CENPI: variants seen among roughly 807,000 people sequenced by gnomAD.
The protein encoded by CENPI is centromere protein I, also known as FSH primary response 1.
Under a neutral mutation model 60.4 loss-of-function variants are expected in CENPI, and 4 were observed. The ratio of observed to expected loss-of-function variants is 0.07; its 90% CI spans 0.03 to 0.15. CENPI has a LOEUF of 0.15. Among genes scored for constraint, CENPI ranks in the 10% least tolerant of loss-of-function variants. The probability of loss-of-function intolerance (pLI) is 1.00; values close to 1 mark genes in which losing one functional copy is unlikely to be tolerated. For synonymous variants in CENPI, 157 were observed against 189.4 expected, an observed-to-expected ratio of 0.83 and a Z score of 1.40; for missense variants, 444 against 534.5, an observed-to-expected ratio of 0.83 and a Z score of 1.67.
intron 6 of CENPI, 122 bp downstream of exon 6, chrX:101,110,120 CAT>C: frequency 2.6e-6 from 1 of 381,673 alleles, no homozygotes; most frequent in Admixed American, 5.2e-5. Flanking sequence ...ATATATCAAA[CAT>C]ATAGAAATGT....
chrX:101,161,022 A>G (rs1694850477), intron 20 of CENPI, among the ~76,000 whole-genome samples: 1 of 112,365 alleles, frequency 8.9e-6, no homozygotes, highest in Admixed American at 9.5e-5. Flanking sequence ...TTTTAGAAGT[A>G]CTTTCACCAG....
rs769648768 is a variant in CENPI at position 101,110,232 on chromosome X, G to C, written c.591+234G>C. Among the ~76,000 whole-genome samples, 8 of 111,901 alleles carry C rather than the reference G, an allele frequency of 7.1e-5. 1 individual carries two copies. The highest frequency in any genetic ancestry group is 9.6e-5 in the Admixed American group (1 of 10,465). On this transcript the variant is annotated intron_variant, in intron 6 of 21. Transcript: ENST00000682095. Reference sequence around the variant, plus strand: ...GATTAACAAATAGAAAATTTTTATCGTATTTACTTTATGTCTTCTTTTAAG... The same window carrying C: ...GATTAACAAATAGAAAATTTTTATCCTATTTACTTTATGTCTTCTTTTAAG...
intron 12 of CENPI, 73 bp from the exon 13 acceptor site, chrX:101,129,909 A>G (rs2089777554): frequency 1.4e-6 from 1 of 689,941 alleles, no homozygotes; most frequent in Non-Finnish European, 2.3e-6. Context: ...TTGTCACTTT[A>G]GTGATAATTA....
intron 6 of CENPI, among the ~76,000 whole-genome samples, chrX:101,114,052 T>C (rs754259726): frequency 1.8e-4 from 20 of 111,064 alleles, no homozygotes; most frequent in Non-Finnish European, 3.6e-4. Context: ...AGGTCAGGAG[T>C]TTGAGAACAG....
chrX:101,127,044 C>T (rs1300057890), intron 9 of CENPI, 94 bp from the exon 10 acceptor site: 1 of 775,384 alleles, frequency 1.3e-6, no homozygotes, highest in Non-Finnish European at 1.8e-6. Flanking sequence ...TAAAGGATTT[C>T]ATAATATATT....
chrX:101,116,943 G>C (rs1009447583), intron 6 of CENPI, among the ~76,000 whole-genome samples: 1 of 111,167 alleles, frequency 9.0e-6, no homozygotes, highest in Non-Finnish European at 1.9e-5. Flanking sequence ...TAATGATATT[G>C]AGCAACTTTT....
intron 15 of CENPI, among the ~76,000 whole-genome samples, chrX:101,133,317 A>ATTTTTTTTTTTTTTTTTTTTTTTTTT (rs750307029): frequency 1.3e-5 from 1 of 77,017 alleles, no homozygotes; most frequent in Non-Finnish European, 2.5e-5. Context: ...TTCAGTTTGA[A>ATTTTTTTTTTTTTTTTTTTTTTTTTT]TTTTTTTTTT....
chrX:101,177,548 C>T, the CENPI span, among the ~76,000 whole-genome samples: 1 of 111,738 alleles, frequency 8.9e-6, no homozygotes, highest in Non-Finnish European at 1.9e-5. Flanking sequence ...AGAGGCAGGG[C>T]GCTCCTCAAG....
chrX:101,181,220 A>C, the CENPI span, among the ~76,000 whole-genome samples: 1 of 111,103 alleles, frequency 9.0e-6, no homozygotes, highest in Non-Finnish European at 1.9e-5. Flanking sequence ...CTTTGTGATA[A>C]ATTTTGAAAT....
intron 15 of CENPI, among the ~76,000 whole-genome samples, chrX:101,137,134 A>G (rs1217521791): frequency 8.9e-6 from 1 of 111,748 alleles, no homozygotes; most frequent in African/African-American, 3.3e-5. Context: ...GCTGGTCTCG[A>G]ACTTCTGGCT....
At chrX:101,145,303 C>T in intron 17 of CENPI, 104 bp downstream of exon 17, 1 of 627,104 alleles carries the variant, frequency 1.6e-6, no homozygotes, top group Non-Finnish European at 2.5e-6. Context: ...GGGCTATGAT[C>T]TTATTAGCAT....
rs747196426 is a variant in CENPI, at chrX:101,132,423, G to A, written c.1437G>A (p.Ala479=). 2.2e-5 allele frequency: 26 copies of A among 1,207,868 alleles called. No individual in the cohort carries two copies. The highest frequency in any genetic ancestry group is 1.1e-4 in the African/African-American group (6 of 57,102). The part of the protein sequence containing the change: ...EVKPLLFDHL[A]QLFFTSTIYF... ...AACCACTTCTTTTTGACCATCTAGC[G>A]CAGCTCTTCTTTACATCAACCATTT... Residue 479 remains alanine (A), a synonymous_variant, in exon 15 of 22, where the codon GCG becomes GCA. Coordinates refer to ENST00000682095, the MANE Select transcript of CENPI (RefSeq NM_001386188.2).
In CENPI at chrX:101,125,166, T is replaced by G. The variant is rs764856795; in HGVS notation, c.688-1543T>G. Among the ~76,000 whole-genome samples the G allele has an allele frequency of 4.5e-5, 5 of 111,602 alleles. No homozygotes were observed. The East Asian group carries it at 1.1e-3, about 25-fold the overall frequency. On this transcript the variant is annotated intron_variant, in intron 8 of 21. Coordinates refer to ENST00000682095, the MANE Select transcript of CENPI (RefSeq NM_001386188.2). Reference sequence around the variant, plus strand: ...CTTTTGCATCCCCACTTTTTAGAGATATGTGGTCCCTCAACTCTTGATCCT... The same window carrying G: ...CTTTTGCATCCCCACTTTTTAGAGAGATGTGGTCCCTCAACTCTTGATCCT...
Position 101,164,654 on chromosome X carries a change from TTTACA to T in CENPI, c.*1690_*1694del, listed in dbSNP as rs1242029800. On this transcript the variant is annotated 3_prime_UTR_variant, in exon 22 of 22. Transcript: ENST00000682095. ...GCCCAAAGTACCTGTTTTTATGGAGTTTACATTCCAATGGAGAAGACAGACAATAA... is the reference window on the plus strand; with the variant it reads ...GCCCAAAGTACCTGTTTTTATGGAGTTTCCAATGGAGAAGACAGACAATAA... Among the ~76,000 whole-genome samples, 3 of 111,877 alleles carry T rather than the reference TTTACA, an allele frequency of 2.7e-5. No homozygotes were observed. Among genetic ancestry groups the T allele is most frequent in the Non-Finnish European group, 5.6e-5 (3 of 53,189 alleles).
At chrX:101,113,233 A>G (rs1407277351) in intron 6 of CENPI, among the ~76,000 whole-genome samples, 2 of 106,492 alleles carry the variant, frequency 1.9e-5, no homozygotes, top group Admixed American at 2.1e-4. Context: ...CCTGGCTTAT[A>G]TGCTGTTGTT....
intron 15 of CENPI, 29 bp downstream of exon 15, chrX:101,132,485 A>G: frequency 9.1e-7 from 1 of 1,103,622 alleles, no homozygotes; most frequent in Non-Finnish European, 1.2e-6. Flanking sequence ...GCTTAGATTC[A>G]ATAGGATGTA....
chrX:101,110,951 T>C lies in CENPI; in HGVS notation c.591+953T>C, dbSNP rs978436249. On this transcript the variant is annotated intron_variant, in intron 6 of 21. Coordinates refer to ENST00000682095, the MANE Select transcript of CENPI (RefSeq NM_001386188.2). ...TGACAGAAAGTGATACTTGATATGATGGGAATATTTCAAGCAAAGTTGTGA... is the reference window on the plus strand; with the variant it reads ...TGACAGAAAGTGATACTTGATATGACGGGAATATTTCAAGCAAAGTTGTGA... 2.7e-5 allele frequency among the ~76,000 whole-genome samples: 3 copies of C among 111,414 alleles called. No homozygotes were observed. In the East Asian group the frequency reaches 8.5e-4, roughly 31 times the overall value.
downstream of CENPI, among the ~76,000 whole-genome samples, chrX:101,170,618 TA>T (rs2090154696): frequency 8.9e-6 from 1 of 111,808 alleles, no homozygotes; most frequent in Non-Finnish European, 1.9e-5. Context: ...CAAACTGATA[TA>T]CATTTCCAAA....
At chrX:101,153,114 G>A (rs1799471785) in intron 20 of CENPI, among the ~76,000 whole-genome samples, 1 of 109,251 alleles carries the variant, frequency 9.2e-6, no homozygotes, top group African/African-American at 3.3e-5. Context: ...CTGTTTTTTT[G>A]GTTCTAGCCA....
Sources: gnomAD v4.1 joint callset for allele counts (sites outside exome capture counted in the v4.1 genomes callset) on GRCh38, gnomAD v4.1.1 for gene constraint, MANE v1.5 for transcripts, NCBI Gene and HGNC (gene_info 2026-07-23, HGNC 2026-07-21) for gene names.